NALF1: variants seen among roughly 807,000 people sequenced by gnomAD.
NALF1 encodes NALCN channel auxiliary factor 1.
In NALF1, 3 loss-of-function variants were observed where a neutral mutation model predicts 48.4. The observed-to-expected ratio is 0.06, with a 90% confidence interval of 0.03 to 0.16. The LOEUF is 0.16. Ranked by LOEUF, NALF1 falls within the 10% of genes least tolerant of loss-of-function variation. The probability of loss-of-function intolerance (pLI) is 1.00; values close to 1 mark genes in which losing one functional copy is unlikely to be tolerated. For missense variants in NALF1, 526 were observed against 571.5 expected, an observed-to-expected ratio of 0.92 and a Z score of 0.81; for synonymous variants, 262 against 245.7, an observed-to-expected ratio of 1.07 and a Z score of -0.62.
At chr13:107,326,856 T>G (rs2138919877) in intron 1 of NALF1, among the ~76,000 whole-genome samples, 1 of 147,380 alleles carries the variant, frequency 6.8e-6, no homozygotes, top group East Asian at 2.0e-4. Context: ...CAGATCCTGG[T>G]CTCCACTGGG....
intron 1 of NALF1, among the ~76,000 whole-genome samples, chr13:107,408,276 T>C (rs1031353685): frequency 6.6e-6 from 1 of 152,092 alleles, no homozygotes; most frequent in Non-Finnish European, 1.5e-5. Context: ...TAATTAAAAG[T>C]ATACAATTGG....
intron 1 of NALF1, among the ~76,000 whole-genome samples, chr13:107,355,842 T>G (rs896008535): frequency 6.6e-6 from 1 of 152,166 alleles, no homozygotes; most frequent in Non-Finnish European, 1.5e-5. Flanking sequence ...AATACACCTG[T>G]GCAGAAAATG....
At position 107,275,193 on chromosome 13, in the gene NALF1, TCTC is replaced by T. The variant is rs1881255613; in HGVS notation, c.916-64441_916-64439del. Among the ~76,000 whole-genome samples the T allele has an allele frequency of 2.6e-5, 4 of 152,354 alleles. 1 individual carries two copies. The highest frequency in any genetic ancestry group is 3.4e-3 in the Middle Eastern group (1 of 294). Reference sequence around the variant, plus strand: ...AGTGTTATTCTATTAACTTTTTTGATCTCCTTTTTTAAAGTAAATTATTTTAAA... The same window carrying T: ...AGTGTTATTCTATTAACTTTTTTGATCTTTTTTAAAGTAAATTATTTTAAA... On this transcript the variant is annotated intron_variant, in intron 1 of 2. Coordinates refer to ENST00000375915, the MANE Select transcript of NALF1 (RefSeq NM_001080396.3).
intron 1 of NALF1, among the ~76,000 whole-genome samples, chr13:107,393,073 A>G (rs1883653533): frequency 6.6e-6 from 1 of 152,158 alleles, no homozygotes; most frequent in Non-Finnish European, 1.5e-5. Context: ...TCAAGTCCAG[A>G]GGAGGAAAGG....
At chr13:107,273,313 C>T (rs540664433) in intron 1 of NALF1, among the ~76,000 whole-genome samples, 34 of 152,176 alleles carry the variant, frequency 2.2e-4, no homozygotes, top group Non-Finnish European at 4.7e-4. Flanking sequence ...CATAAAAATA[C>T]TCAGGTTTAC....
At chr13:107,629,814 A>G (rs1316026047) in intron 1 of NALF1, among the ~76,000 whole-genome samples, 1 of 152,100 alleles carries the variant, frequency 6.6e-6, no homozygotes, top group Non-Finnish European at 1.5e-5. Context: ...ATATGAATGA[A>G]CTATTATATG....
rs192098841 is a variant in NALF1 at position 107,833,916 on chromosome 13, A to T, written c.915+31766T>A. Among the ~76,000 whole-genome samples the T allele has an allele frequency of 3.6e-4, 55 of 152,202 alleles. 1 individual carries two copies. Among genetic ancestry groups the T allele is most frequent in the African/African-American group, 1.3e-3 (53 of 41,534 alleles). ...TAATAATGCCATTCACTAATATATA[A>T]ATTTGTAAAACTATGGAAACTTTGA... On this transcript the variant is annotated intron_variant, in intron 1 of 2. Coordinates refer to ENST00000375915, the MANE Select transcript of NALF1 (RefSeq NM_001080396.3).
At chr13:107,593,528 C>G (rs1307214080) in intron 1 of NALF1, among the ~76,000 whole-genome samples, 1 of 151,846 alleles carries the variant, frequency 6.6e-6, no homozygotes, top group Non-Finnish European at 1.5e-5. Context: ...GATTATACCC[C>G]TAAATGAACA....
chr13:107,771,785 G>A (rs1877583643), intron 1 of NALF1, among the ~76,000 whole-genome samples: 1 of 152,104 alleles, frequency 6.6e-6, no homozygotes, highest in South Asian at 2.1e-4. Context: ...TCGCCAGGCT[G>A]GAGTGCAGTG....
intron 1 of NALF1, among the ~76,000 whole-genome samples, chr13:107,238,354 G>C (rs1187115088): frequency 6.6e-6 from 1 of 152,176 alleles, no homozygotes; most frequent in African/African-American, 2.4e-5. Context: ...TGTTTGCAAG[G>C]TGAGAAGGAC....
rs186889372 is a variant in NALF1 at position 107,303,730 on chromosome 13, C to T, written c.916-92975G>A. Among the ~76,000 whole-genome samples, 393 of 152,126 alleles carry T rather than the reference C, an allele frequency of 2.6e-3. 2 individuals are homozygous for T. Among genetic ancestry groups the T allele is most frequent in the African/African-American group, 9.2e-3 (382 of 41,500 alleles). ...TTCACGAAGCATTAAGTGTTCTCTT[C>T]AAGAAAATTTTTTTTTAATCTCCTG... On this transcript the variant is annotated intron_variant, in intron 1 of 2. Coordinates refer to ENST00000375915, the MANE Select transcript of NALF1 (RefSeq NM_001080396.3).
At chr13:107,775,852 T>C (rs1308466841) in intron 1 of NALF1, among the ~76,000 whole-genome samples, 2 of 152,226 alleles carry the variant, frequency 1.3e-5, no homozygotes. Context: ...GAGGTTTGGA[T>C]AAGCTGAATA....
chr13:107,783,049 G>T (rs1469487372), intron 1 of NALF1, among the ~76,000 whole-genome samples: 1 of 142,016 alleles, frequency 7.0e-6, no homozygotes, highest in Non-Finnish European at 1.5e-5. Flanking sequence ...CAGCCGCCCC[G>T]ACCGGGAGGG....
intron 1 of NALF1, among the ~76,000 whole-genome samples, chr13:107,740,524 T>C (rs1446096037): frequency 6.6e-6 from 1 of 152,210 alleles, no homozygotes; most frequent in Non-Finnish European, 1.5e-5. Context: ...ACATAGCATC[T>C]ATTATTAGAT....
chr13:107,451,999 C>T (rs940873101), intron 1 of NALF1, among the ~76,000 whole-genome samples: 1 of 151,986 alleles, frequency 6.6e-6, no homozygotes, highest in African/African-American at 2.4e-5. Flanking sequence ...TTTTTCTCTC[C>T]CTCTCTTATC....
intron 1 of NALF1, among the ~76,000 whole-genome samples, chr13:107,818,714 T>A (rs1018458240): frequency 6.7e-6 from 1 of 148,700 alleles, no homozygotes; most frequent in South Asian, 2.2e-4. Flanking sequence ...CTACTAAAAA[T>A]ACAAAAAATT....
intron 1 of NALF1, among the ~76,000 whole-genome samples, chr13:107,750,861 C>A (rs77436391): frequency 0.031 from 4,773 of 152,280 alleles, 107 homozygotes; most frequent in Middle Eastern, 0.1. Flanking sequence ...TAACCTCCAA[C>A]TGCCCTCCCC....
intron 1 of NALF1, among the ~76,000 whole-genome samples, chr13:107,636,720 C>T (rs1879986196): frequency 6.6e-6 from 1 of 151,788 alleles, no homozygotes; most frequent in African/African-American, 2.4e-5. Flanking sequence ...TTGGTAGCCT[C>T]TATACTTTTT....
At chr13:107,698,696 G>C (rs1202345478) in intron 1 of NALF1, among the ~76,000 whole-genome samples, 2 of 151,936 alleles carry the variant, frequency 1.3e-5, no homozygotes, top group Non-Finnish European at 2.9e-5. Flanking sequence ...ATAATGATTG[G>C]GATTTTCAGA....
Sources: allele counts gnomAD v4.1 joint callset (sites outside exome capture counted in the v4.1 genomes callset), GRCh38; gene constraint gnomAD v4.1.1; transcripts MANE v1.5; gene names NCBI Gene and HGNC (gene_info 2026-07-23, HGNC 2026-07-21).